Variants in SLC9B1 observed in about 807,000 individuals in gnomAD.
SLC9B1 encodes the protein sodium/hydrogen exchanger 9B1.
Under a neutral mutation model 51.7 loss-of-function variants are expected in SLC9B1, and 32 were observed. That is an observed-to-expected ratio of 0.62 (90% confidence interval 0.47 to 0.83). The LOEUF (loss-of-function observed/expected upper bound fraction) is 0.83, where lower values mean the gene tolerates loss of function less well. Among genes scored for constraint, SLC9B1 ranks in the 40% least tolerant of loss-of-function variants. The pLI is 0.00. For synonymous variants in SLC9B1, 145 were observed against 212.7 expected (o/e 0.68, Z 2.77); for missense variants, 406 against 613.2 (o/e 0.66, Z 3.57).
At chr4:102,944,219 G>A (rs1183345148) in intron 6 of SLC9B1, among the ~76,000 whole-genome samples, 2 of 152,122 alleles carry the variant, frequency 1.3e-5, no homozygotes, top group Non-Finnish European at 2.9e-5. Flanking sequence ...TCGTCACTAG[G>A]TGAATTTGAG....
Position 102,951,958 on chromosome 4 carries a change from A to ATTTTTTT in SLC9B1, c.212-2532_212-2531insAAAAAAA, listed in dbSNP as rs1410808257. On this transcript the variant is annotated intron_variant, in intron 3 of 11. Transcript: ENST00000296422. ...ATAGACTACCAAAGGCAAAAATAAA[A>ATTTTTTT]TCTTTTTTTTTTTTTTTTTTTTATT... Among the ~76,000 whole-genome samples, 2 of 8,224 alleles carry ATTTTTTT rather than the reference A, an allele frequency of 2.4e-4. 1 individual carries two copies. The highest frequency in any genetic ancestry group is 9.8e-4 in the African/African-American group (2 of 2,044). The allele number at this position is 8,224 out of a possible 152,430, so 5.4% of individuals were successfully genotyped here. A position where few individuals can be genotyped will look rare whatever the true frequency, so the allele number is the denominator to read the frequency against.
chr4:102,895,061 T>C (rs1427866921), intron 11 of SLC9B1, among the ~76,000 whole-genome samples: 1 of 152,166 alleles, frequency 6.6e-6, no homozygotes, highest in Non-Finnish European at 1.5e-5. Flanking sequence ...TGTAGAAGAA[T>C]AGTCAGAAAA....
intron 4 of SLC9B1, 54 bp downstream of exon 4, chr4:102,949,203 T>C: frequency 7.5e-7 from 1 of 1,341,960 alleles, no homozygotes; most frequent in Non-Finnish European, 1.0e-6. Flanking sequence ...AAGAAAATGT[T>C]CAACATTTGC....
chr4:102,910,300 C>G (rs1262149296), intron 9 of SLC9B1, 139 bp downstream of exon 9: 3 of 611,418 alleles, frequency 4.9e-6, no homozygotes, highest in Non-Finnish European at 5.2e-6. Flanking sequence ...TATTTTCTTT[C>G]CTCGATTGAT....
At chr4:102,911,622 A>G in intron 7 of SLC9B1, 85 bp from the exon 8 acceptor site, 2 of 816,038 alleles carry the variant, frequency 2.5e-6, no homozygotes, top group Non-Finnish European at 3.9e-6. Flanking sequence ...TAGGTGGTTC[A>G]TGAAGAAAAG....
At chr4:102,996,683 C>CT (rs548001586) in intron 1 of SLC9B1, among the ~76,000 whole-genome samples, 5 of 151,932 alleles carry the variant, frequency 3.3e-5, no homozygotes, top group East Asian at 1.9e-4. Flanking sequence ...TGCAATGCCA[C>CT]TTTTTTTTGT....
chr4:102,925,939 A>G (rs1411272765), intron 7 of SLC9B1, among the ~76,000 whole-genome samples: 1 of 152,230 alleles, frequency 6.6e-6, no homozygotes, highest in Non-Finnish European at 1.5e-5. Context: ...AGGCTGGTTC[A>G]ACATATGTAA....
At chr4:102,930,587 T>C (rs946276584) in intron 7 of SLC9B1, among the ~76,000 whole-genome samples, 22 of 151,952 alleles carry the variant, frequency 1.4e-4, no homozygotes, top group African/African-American at 5.3e-4. Flanking sequence ...GTATTTTTAG[T>C]AGAGACAGGG....
chr4:103,013,791 C>T (rs1741192724), intron 1 of SLC9B1, among the ~76,000 whole-genome samples: 1 of 152,184 alleles, frequency 6.6e-6, no homozygotes, highest in Admixed American at 6.5e-5. Flanking sequence ...TTTTCTTTAT[C>T]TGCTAAAATC....
At chr4:102,995,354 C>A (rs902287782) in intron 1 of SLC9B1, among the ~76,000 whole-genome samples, 1 of 152,060 alleles carries the variant, frequency 6.6e-6, no homozygotes, top group Non-Finnish European at 1.5e-5. Context: ...TGAACTGTGT[C>A]CTAAATGAGG....
chr4:102,922,143 T>C (rs1220513433), intron 7 of SLC9B1, among the ~76,000 whole-genome samples: 24 of 152,188 alleles, frequency 1.6e-4, no homozygotes, highest in Non-Finnish European at 1.5e-4. Flanking sequence ...TATTCTAAAA[T>C]TGACCACATA....
intron 2 of SLC9B1, among the ~76,000 whole-genome samples, chr4:102,990,602 C>T (rs934295922): frequency 6.6e-6 from 1 of 151,666 alleles, no homozygotes; most frequent in African/African-American, 2.4e-5. Flanking sequence ...CAACAAAACA[C>T]CAGAGTAGAG....
At chr4:102,977,096 G>A (rs1739110713) in intron 3 of SLC9B1, among the ~76,000 whole-genome samples, 1 of 152,032 alleles carries the variant, frequency 6.6e-6, no homozygotes, top group African/African-American at 2.4e-5. Context: ...GTTGCAGTGA[G>A]TTGTGATGGT....
intron 3 of SLC9B1, among the ~76,000 whole-genome samples, chr4:102,961,637 C>T (rs1738134464): frequency 6.6e-6 from 1 of 151,848 alleles, no homozygotes; most frequent in African/African-American, 2.4e-5. Context: ...TCCTCCCTTC[C>T]TTTGCTTACT....
chr4:102,949,815 GC>G (rs1199980401), intron 3 of SLC9B1, among the ~76,000 whole-genome samples: 1 of 151,974 alleles, frequency 6.6e-6, no homozygotes, highest in Non-Finnish European at 1.5e-5. Flanking sequence ...ACAAAAATTA[GC>G]CAGGCGTGGT....
At chr4:102,902,402 A>C (rs1734831451) in intron 11 of SLC9B1, among the ~76,000 whole-genome samples, 1 of 152,180 alleles carries the variant, frequency 6.6e-6, no homozygotes, top group South Asian at 2.1e-4. Flanking sequence ...CGTAACTTTT[A>C]ATGTACTGAA....
chr4:102,898,256 C>G (rs1487459072), downstream of SLC9B1: 1 of 492,388 alleles, frequency 2.0e-6, no homozygotes, highest in African/African-American at 2.0e-5. Context: ...GATCAGGGAC[C>G]ACAGAAAGAA....
chr4:102,938,693 T>C (rs1328237443), intron 6 of SLC9B1, among the ~76,000 whole-genome samples: 1 of 152,044 alleles, frequency 6.6e-6, no homozygotes, highest in African/African-American at 2.4e-5. Context: ...ACCCGCAGTG[T>C]AATAAAAATA....
intron 3 of SLC9B1, chr4:102,963,172 G>A (rs1349503796): frequency 1.4e-5 from 5 of 358,354 alleles, no homozygotes; most frequent in Admixed American, 1.1e-4. Context: ...AGAGGTTCAG[G>A]TGGTAATCCA....
Sources: gnomAD v4.1 joint callset for allele counts (sites outside exome capture counted in the v4.1 genomes callset) on GRCh38, gnomAD v4.1.1 for gene constraint, MANE v1.5 for transcripts, NCBI Gene and HGNC (gene_info 2026-07-23, HGNC 2026-07-21) for gene names.